The following SPRY3 variants were observed in gnomAD, a reference collection of about 807,000 sequenced individuals.
SPRY3 encodes protein sprouty homolog 3.
SPRY3 carries 15 observed loss-of-function variants against 20.2 expected under a neutral mutation model. The observed-to-expected ratio is 0.74, with a 90% CI of 0.50 to 1.14. The LOEUF (loss-of-function observed/expected upper bound fraction) is 1.14. Among genes scored for constraint, SPRY3 ranks in the 50% most tolerant of loss-of-function variants. The pLI, the probability that SPRY3 is intolerant of heterozygous loss-of-function variation, is 0.00. For missense variants in SPRY3, 364 were observed against 363.9 expected (o/e 1.00, Z 0.00); for synonymous variants, 143 against 136.5 (o/e 1.05, Z -0.33).
intron 2 of SPRY3, among the ~76,000 whole-genome samples, chrX:155,744,559 T>A (rs1197879254): frequency 6.6e-6 from 1 of 152,020 alleles, no homozygotes; most frequent in Non-Finnish European, 1.5e-5. Context: ...CAGTTTAAAG[T>A]GTTTCTTTCA....
At chrX:155,643,164 T>A (rs905989221) in intron 1 of SPRY3, among the ~76,000 whole-genome samples, 1 of 111,550 alleles carries the variant, frequency 9.0e-6, no homozygotes, top group African/African-American at 3.2e-5. Context: ...CAGTATTGGG[T>A]GCATATGTAT....
At chrX:155,777,544 T>G (rs2091434922), downstream of SPRY3, 1 of 128,976 alleles carries the variant, frequency 7.8e-6, no homozygotes, top group Non-Finnish European at 1.9e-5. Flanking sequence ...GTTGGCCTGA[T>G]ATGGACTGCA....
intron 2 of SPRY3, among the ~76,000 whole-genome samples, chrX:155,757,445 T>C (rs1006989332): frequency 1.8e-4 from 27 of 152,136 alleles, no homozygotes; most frequent in Non-Finnish European, 3.2e-4. Context: ...TCCTCACCCT[T>C]TGTCATGTTT....
At chrX:155,705,952 T>C (rs2090947828) in intron 2 of SPRY3, among the ~76,000 whole-genome samples, 1 of 151,362 alleles carries the variant, frequency 6.6e-6, no homozygotes, top group Admixed American at 6.6e-5. Context: ...TGTCAACAGC[T>C]AGTAGAACGA....
chrX:155,630,390 A>G (rs2067902092), intron 1 of SPRY3, among the ~76,000 whole-genome samples: 1 of 111,671 alleles, frequency 9.0e-6, no homozygotes, highest in African/African-American at 3.3e-5. Flanking sequence ...ATTCCCGTTA[A>G]CATTTCTTGT....
intron 2 of SPRY3, among the ~76,000 whole-genome samples, chrX:155,753,593 G>A (rs1245814343): frequency 6.6e-6 from 1 of 151,590 alleles, no homozygotes; most frequent in African/African-American, 2.4e-5. Context: ...TATATATCTA[G>A]GAATGGAATT....
At chrX:155,726,221 G>A (rs1305655279) in intron 2 of SPRY3, among the ~76,000 whole-genome samples, 1 of 152,086 alleles carries the variant, frequency 6.6e-6, no homozygotes, top group East Asian at 1.9e-4. Flanking sequence ...CATTTGCTGA[G>A]GAGTGCTTTA....
intron 2 of SPRY3, among the ~76,000 whole-genome samples, chrX:155,681,997 A>C (rs1249308443): frequency 8.9e-6 from 1 of 112,843 alleles, no homozygotes; most frequent in South Asian, 3.6e-4. Context: ...ATAGATTTTC[A>C]ATGTTGATGA....
At chrX:155,744,045 T>G (rs1225228039) in intron 2 of SPRY3, among the ~76,000 whole-genome samples, 1 of 151,984 alleles carries the variant, frequency 6.6e-6, no homozygotes, top group Non-Finnish European at 1.5e-5. Context: ...CTGGGCAACT[T>G]TGGCTGGAGG....
intron 2 of SPRY3, among the ~76,000 whole-genome samples, chrX:155,755,146 A>G (rs1336443042): frequency 2.1e-5 from 3 of 142,704 alleles, no homozygotes; most frequent in African/African-American, 9.1e-5. Context: ...CTGGAGAGTA[A>G]TGAGATTACT....
intron 1 of SPRY3, among the ~76,000 whole-genome samples, chrX:155,623,765 G>A (rs1557349659): frequency 1.8e-5 from 2 of 112,336 alleles, no homozygotes; most frequent in African/African-American, 6.5e-5. Context: ...CTCTTGAAGA[G>A]ACAGCTTTGC....
chrX:155,741,282 A>T (rs1362605608), intron 2 of SPRY3, among the ~76,000 whole-genome samples: 2 of 152,158 alleles, frequency 1.3e-5, no homozygotes, highest in Non-Finnish European at 2.9e-5. Flanking sequence ...CTGAAATAAG[A>T]CAGGTGGACA....
intron 3 of SPRY3, among the ~76,000 whole-genome samples, chrX:155,769,136 A>T (rs2091365722): frequency 6.6e-6 from 1 of 152,108 alleles, no homozygotes; most frequent in African/African-American, 2.4e-5. Flanking sequence ...CTCTAAACAA[A>T]CATATACAAA....
chrX:155,747,873 T>G (rs2091237033), intron 2 of SPRY3, among the ~76,000 whole-genome samples: 1 of 151,880 alleles, frequency 6.6e-6, no homozygotes. Context: ...CATGGACTTT[T>G]GTAAAATACG....
At position 155,716,981 on chromosome X, in the gene SPRY3, A is replaced by AATATATATATATATATATAT. The variant is rs749530944; in HGVS notation, c.-281-50969_-281-50950dup. 9.2e-3 allele frequency among the ~76,000 whole-genome samples: 578 copies of AATATATATATATATATATAT among 63,120 alleles called. 12 individuals carry two copies. The highest frequency in any genetic ancestry group is 0.012 in the Non-Finnish European group (414 of 34,506). 41.4% of individuals were successfully genotyped at this position (63,120 alleles called of 152,430 possible). On this transcript the variant is annotated intron_variant, in intron 2 of 3. Transcript: ENST00000675360. Reference sequence around the variant, plus strand: ...AAACCCTGTTTCCACTAAAATACAAAATATATATATATATATATATATATA... The same window carrying AATATATATATATATATATAT: ...AAACCCTGTTTCCACTAAAATACAAAATATATATATATATATATATATATATATATATATATATATATATA...
rs768853916 is a variant in SPRY3 at position 155,712,526 on chromosome X, G to A, written c.-281-55436G>A. Among the ~76,000 whole-genome samples, 3 of 151,984 alleles carry A rather than the reference G, an allele frequency of 2.0e-5. No homozygotes were observed. In the East Asian group the frequency reaches 5.8e-4, roughly 29 times the overall value. On this transcript the variant is annotated intron_variant, in intron 2 of 3. Coordinates refer to ENST00000675360, the Ensembl canonical transcript of SPRY3. ...ACTTCTGCTCTTTTTGGTTTCATTG[G>A]CATGGAATATCATTTTCCATTTCTT...
At chrX:155,689,910 A>C (rs1267835006) in intron 2 of SPRY3, among the ~76,000 whole-genome samples, 1 of 86,986 alleles carries the variant, frequency 1.1e-5, no homozygotes, top group African/African-American at 5.6e-5. Flanking sequence ...TTGTGATGTT[A>C]GTTTGTTAAA....
chrX:155,721,018 A>T (rs1246096243), intron 2 of SPRY3, among the ~76,000 whole-genome samples: 1 of 152,210 alleles, frequency 6.6e-6, no homozygotes, highest in African/African-American at 2.4e-5. Flanking sequence ...TGCTGTTTTG[A>T]GGACTCTCAA....
intron 2 of SPRY3, among the ~76,000 whole-genome samples, chrX:155,683,994 G>T (rs1477065952): frequency 1.8e-5 from 2 of 110,766 alleles, no homozygotes; most frequent in Admixed American, 1.9e-4. Context: ...CCACTGAGAG[G>T]TCAAGGAAGA....
Sources: allele counts gnomAD v4.1 joint callset (sites outside exome capture counted in the v4.1 genomes callset), GRCh38; gene constraint gnomAD v4.1.1; transcripts MANE v1.5; gene names NCBI Gene and HGNC (gene_info 2026-07-23, HGNC 2026-07-21).